EPB41: variants seen among roughly 807,000 people sequenced by gnomAD.
EPB41 encodes the protein protein 4.1.
In EPB41, 65 loss-of-function variants were observed where a neutral mutation model predicts 108.0. The observed-to-expected ratio is 0.60, with a 90% CI of 0.49 to 0.74. The LOEUF (loss-of-function observed/expected upper bound fraction) is 0.74. EPB41 is among the 30% of genes least tolerant of loss of function. The probability of loss-of-function intolerance (pLI) is 0.00; values close to 1 mark genes in which losing one functional copy is unlikely to be tolerated. For missense variants in EPB41, 875 were observed against 1,037.0 expected, an observed-to-expected ratio of 0.84 and a Z score of 2.15; for synonymous variants, 336 against 358.9, an observed-to-expected ratio of 0.94 and a Z score of 0.72.
intron 8 of EPB41, among the ~76,000 whole-genome samples, chr1:29,031,083 A>G (rs2096784050): frequency 2.0e-5 from 3 of 152,176 alleles, no homozygotes; most frequent in South Asian, 4.1e-4. Flanking sequence ...TGCTGGGATT[A>G]CAGGCGTGAG....
rs2096534958 is a variant in EPB41, at chr1:29,013,461, AAG to A, written c.829+1558_829+1559del. Among the ~76,000 whole-genome samples, 5 of 152,338 alleles carry A rather than the reference AAG, an allele frequency of 3.3e-5. No individual in the cohort carries two copies. The South Asian group carries it at 1.0e-3, about 32-fold the overall frequency. On this transcript the variant is annotated intron_variant, in intron 5 of 20. Transcript: ENST00000343067. ...AAACTGTAAACATTTTTTTAAGCCA[AAG>A]AGAAGAATGACATTTATTGCAAAGG...
intron 1 of EPB41, among the ~76,000 whole-genome samples, chr1:28,953,529 C>T (rs1253111801): frequency 6.6e-6 from 1 of 152,082 alleles, no homozygotes; most frequent in African/African-American, 2.4e-5. Flanking sequence ...AAAAAGGAAG[C>T]CTGGATTATG....
At chr1:29,006,235 T>C (rs1019367424) in intron 4 of EPB41, among the ~76,000 whole-genome samples, 3 of 38,396 alleles carry the variant, frequency 7.8e-5, no homozygotes, top group Non-Finnish European at 1.9e-4. Context: ...TCCCAAAGAA[T>C]TTTTTTTTTT....
In EPB41 at chr1:29,021,206, G is replaced by T. The variant is rs150017738; in HGVS notation, c.1124+2764G>T. Among the ~76,000 whole-genome samples the T allele has an allele frequency of 5.2e-3, 791 of 152,268 alleles. 10 individuals are homozygous for T. The highest frequency in any genetic ancestry group is 0.018 in the African/African-American group (751 of 41,556). ...GTCTACAGACCCTGGAGATCTTCAA[G>T]ATTCTTTCAAGGGGTCCATGAAGTC... On this transcript the variant is annotated intron_variant, in intron 7 of 20. Transcript: ENST00000343067.
chr1:28,968,990 A>AT lies in EPB41; in HGVS notation c.-7-18441_-7-18440insT, dbSNP rs2095430044. On this transcript the variant is annotated intron_variant, in intron 1 of 20. Transcript: ENST00000343067. Reference sequence around the variant, plus strand: ...CAAAACCCCCCACCCCCCAAAAAAAAAACACAAACTAAATGAACTTCGCTT... The same window carrying AT: ...CAAAACCCCCCACCCCCCAAAAAAAATAACACAAACTAAATGAACTTCGCTT... 4.1e-5 allele frequency among the ~76,000 whole-genome samples: 6 copies of AT among 147,106 alleles called. No homozygotes were observed. The South Asian group carries it at 9.6e-4, about 23-fold the overall frequency.
chr1:29,119,392 C>G lies in EPB41; in HGVS notation c.*2580C>G, dbSNP rs908008384. 1 of 152,490 alleles carries G rather than the reference C, an allele frequency of 6.6e-6. No homozygotes were observed. Among genetic ancestry groups the G allele is most frequent in the Non-Finnish European group, 1.5e-5 (1 of 68,038 alleles). The allele number at this position is 152,490 out of a possible 1,614,324, so 9.4% of individuals were successfully genotyped here. A position where few individuals can be genotyped will look rare whatever the true frequency, so the allele number is the denominator to read the frequency against. Reference sequence around the variant, plus strand: ...ATTTCCAGGGTCAGAAACTTGGCAACAGTTTTCCTAGAGTGACTCAGACAC... The same window carrying G: ...ATTTCCAGGGTCAGAAACTTGGCAAGAGTTTTCCTAGAGTGACTCAGACAC... On this transcript the variant is annotated 3_prime_UTR_variant, in exon 21 of 21. Coordinates refer to ENST00000343067, the MANE Select transcript of EPB41 (RefSeq NM_001376013.1).
intron 16 of EPB41, among the ~76,000 whole-genome samples, chr1:29,077,563 C>CAG (rs1157613901): frequency 4.6e-5 from 7 of 152,100 alleles, no homozygotes; most frequent in Admixed American, 4.6e-4. Flanking sequence ...AAATACATTG[C>CAG]AGAGAGCAAT....
intron 4 of EPB41, among the ~76,000 whole-genome samples, chr1:29,001,907 A>G (rs2096300923): frequency 6.6e-6 from 1 of 152,132 alleles, no homozygotes; most frequent in African/African-American, 2.4e-5. Context: ...CTGATTTCCT[A>G]AAGAATGTTA....
At position 29,119,884 on chromosome 1, in the gene EPB41, G is replaced by A. The variant is rs758916331; in HGVS notation, c.*3072G>A. 2.0e-5 allele frequency: 3 copies of A among 152,552 alleles called. No homozygotes were observed. Among genetic ancestry groups the A allele is most frequent in the Admixed American group, 6.5e-5 (1 of 15,270 alleles). 9.4% of individuals were successfully genotyped at this position (152,552 alleles called of 1,614,324 possible). On this transcript the variant is annotated 3_prime_UTR_variant, in exon 21 of 21. Coordinates refer to ENST00000343067, the MANE Select transcript of EPB41 (RefSeq NM_001376013.1). ...ACATTTCTTGAAAAAATAGGAACTC[G>A]GGCAGCAGAATCAGATTGGCAGAAT...
intron 1 of EPB41, among the ~76,000 whole-genome samples, chr1:28,947,602 G>A (rs1247361919): frequency 2.0e-5 from 3 of 151,862 alleles, no homozygotes; most frequent in Non-Finnish European, 4.4e-5. Context: ...CGAGGTGGGC[G>A]GATCACTTGA....
chr1:29,018,551 A>T lies in EPB41; in HGVS notation c.1124+109A>T, dbSNP rs2096605691. On this transcript the variant is annotated intron_variant, in intron 7 of 20. Transcript: ENST00000343067. This position sits in a 1 kb window ranked among gnomAD's most constrained non-coding sequence, Gnocchi z 4.4. ...AGAGGGATCATGGTGCCATAGAAAGAGTCAGTTTCCTCCACTGTTTGACTT... is the reference window on the plus strand; with the variant it reads ...AGAGGGATCATGGTGCCATAGAAAGTGTCAGTTTCCTCCACTGTTTGACTT... 7.0e-6 allele frequency: 8 copies of T among 1,138,616 alleles called. No homozygotes were observed. The South Asian group carries it at 1.0e-4, about 14-fold the overall frequency. The allele number at this position is 1,138,616 out of a possible 1,614,324, so 70.5% of individuals were successfully genotyped here.
At chr1:28,990,971 T>C (rs2096005504) in intron 2 of EPB41, among the ~76,000 whole-genome samples, 2 of 152,152 alleles carry the variant, frequency 1.3e-5, no homozygotes, top group African/African-American at 2.4e-5. Flanking sequence ...AACGATATTG[T>C]TAGTAAAATT....
At chr1:29,077,855 A>G (rs530635950) in intron 16 of EPB41, among the ~76,000 whole-genome samples, 2 of 152,324 alleles carry the variant, frequency 1.3e-5, no homozygotes, top group East Asian at 1.9e-4. Context: ...AATTTTACAT[A>G]TTACTAAATA....
At chr1:29,087,596 C>A (rs1767801) in intron 16 of EPB41, among the ~76,000 whole-genome samples, 120,774 of 151,832 alleles carry the variant, frequency 0.8, 48,681 homozygotes, top group Non-Finnish European at 0.87. Flanking sequence ...TCCCAACCTC[C>A]GATGATCACC....
chr1:29,085,420 CAGGCGTGA>C (rs1398153971), intron 16 of EPB41, among the ~76,000 whole-genome samples: 1 of 152,054 alleles, frequency 6.6e-6, no homozygotes, highest in Non-Finnish European at 1.5e-5. Flanking sequence ...GCTAGGATTA[CAGGCGTGA>C]GCCACCACAC....
chr1:29,052,206 CT>C (rs1644651312), intron 11 of EPB41, among the ~76,000 whole-genome samples: 1 of 152,170 alleles, frequency 6.6e-6, no homozygotes, highest in African/African-American at 2.4e-5. Flanking sequence ...GTCTATACAA[CT>C]TTTCCCCTAA....
At chr1:29,092,960 G>A (rs1450893572) in intron 16 of EPB41, among the ~76,000 whole-genome samples, 1 of 152,108 alleles carries the variant, frequency 6.6e-6, no homozygotes, top group Non-Finnish European at 1.5e-5. Flanking sequence ...CGATTGATGG[G>A]CATTTAGGTT....
intron 1 of EPB41, among the ~76,000 whole-genome samples, chr1:28,923,241 G>A (rs548395993): frequency 6.6e-5 from 10 of 150,452 alleles, no homozygotes; most frequent in African/African-American, 1.5e-4. Flanking sequence ...GATTACAGGC[G>A]TGTGCCACCA....
intron 1 of EPB41, among the ~76,000 whole-genome samples, chr1:28,921,517 A>G (rs1232584405): frequency 6.6e-6 from 1 of 152,048 alleles, no homozygotes; most frequent in Non-Finnish European, 1.5e-5. Flanking sequence ...CCATTTCAGC[A>G]TGCGATAGGG....
Sources: gnomAD v4.1 joint callset for allele counts (sites outside exome capture counted in the v4.1 genomes callset) on GRCh38, gnomAD v4.1.1 for gene constraint, Gnocchi (gnomAD v3.1) non-coding constraint, MANE v1.5 for transcripts, NCBI Gene and HGNC (gene_info 2026-07-23, HGNC 2026-07-21) for gene names.